Variants in CNTN5 observed in about 807,000 individuals in gnomAD.
The protein encoded by CNTN5 is contactin 5, also known as contactin-5.
Under a neutral mutation model 129.1 loss-of-function variants are expected in CNTN5, and 77 were observed. The ratio of observed to expected loss-of-function variants is 0.60; its 90% confidence interval spans 0.50 to 0.72. The LOEUF is 0.72. CNTN5 is among the 30% of genes least tolerant of loss of function. CNTN5 has a pLI of 0.00. For synonymous variants in CNTN5, 509 were observed against 465.6 expected (o/e 1.09, Z -1.20); for missense variants, 1,478 against 1,328.8 (o/e 1.11, Z -1.75).
intron 7 of CNTN5, among the ~76,000 whole-genome samples, chr11:99,953,915 C>T (rs774745715): frequency 3.3e-5 from 5 of 152,076 alleles, no homozygotes; most frequent in Non-Finnish European, 5.9e-5. Context: ...CTTCTTTTCC[C>T]GTGCCTATGT....
intron 6 of CNTN5, among the ~76,000 whole-genome samples, chr11:99,852,017 TATA>T (rs1230271423): frequency 1.3e-5 from 2 of 152,232 alleles, no homozygotes; most frequent in African/African-American, 4.8e-5. Context: ...AGGCTTAGCC[TATA>T]ATAACTTTAT....
At chr11:99,425,468 C>G (rs989357633) in intron 2 of CNTN5, among the ~76,000 whole-genome samples, 2 of 152,236 alleles carry the variant, frequency 1.3e-5, no homozygotes, top group Non-Finnish European at 2.9e-5. Flanking sequence ...CCCCTTGCCT[C>G]TCTGCTGTGC....
chr11:100,238,898 A>T (rs1484920395), intron 16 of CNTN5, among the ~76,000 whole-genome samples: 1 of 152,212 alleles, frequency 6.6e-6, no homozygotes, highest in Non-Finnish European at 1.5e-5. Flanking sequence ...TTGATAATAC[A>T]TTCTAATGGT....
At chr11:100,022,372 G>C (rs1048043099) in intron 9 of CNTN5, among the ~76,000 whole-genome samples, 24 of 152,196 alleles carry the variant, frequency 1.6e-4, no homozygotes, top group African/African-American at 5.5e-4. Flanking sequence ...CTAGCATCCT[G>C]CTATTTGCTT....
At chr11:100,050,287 G>A (rs921103673) in intron 9 of CNTN5, among the ~76,000 whole-genome samples, 8 of 152,006 alleles carry the variant, frequency 5.3e-5, no homozygotes, top group Non-Finnish European at 1.0e-4. Context: ...ATGGAATACA[G>A]TGCAGCCATA....
At chr11:99,449,933 G>A (rs965912598) in intron 2 of CNTN5, among the ~76,000 whole-genome samples, 3 of 152,138 alleles carry the variant, frequency 2.0e-5, no homozygotes, top group African/African-American at 4.8e-5. Context: ...TTATTCTACT[G>A]ACCAAATTAA....
chr11:99,156,474 A>G (rs1235326243), intron 1 of CNTN5, among the ~76,000 whole-genome samples: 4 of 152,156 alleles, frequency 2.6e-5, no homozygotes, highest in African/African-American at 9.6e-5. Context: ...TAGTTTATAA[A>G]TAAAGCCTTT....
chr11:100,095,014 A>C (rs575108147), intron 13 of CNTN5, among the ~76,000 whole-genome samples: 8 of 152,166 alleles, frequency 5.3e-5, no homozygotes, highest in African/African-American at 1.9e-4. Context: ...CTAAGCAAAT[A>C]TAAAGCACTT....
At chr11:100,125,574 A>C (rs150226895) in intron 13 of CNTN5, among the ~76,000 whole-genome samples, 186 of 152,256 alleles carry the variant, frequency 1.2e-3, no homozygotes, top group African/African-American at 4.0e-3. Flanking sequence ...GTTGATGGGC[A>C]CATAGGTTGA....
intron 6 of CNTN5, among the ~76,000 whole-genome samples, chr11:99,869,964 G>C (rs527412557): frequency 1.3e-5 from 2 of 152,226 alleles, no homozygotes; most frequent in South Asian, 4.1e-4. Context: ...TAAGGATGCT[G>C]TCTGGAAATG....
Position 99,343,715 on chromosome 11 carries a change from T to A in CNTN5, c.-71+18231T>A, listed in dbSNP as rs117910645. Among the ~76,000 whole-genome samples, 20 of 152,270 alleles carry A rather than the reference T, an allele frequency of 1.3e-4. No individual in the cohort carries two copies. The East Asian group carries it at 3.9e-3, about 29-fold the overall frequency. On this transcript the variant is annotated intron_variant, in intron 2 of 24. Transcript: ENST00000524871. ...TTTTGAAAAACTTATATTCTTAAAATGAAAAACTCATAATGACCAGTCATT... is the reference window on the plus strand; with the variant it reads ...TTTTGAAAAACTTATATTCTTAAAAAGAAAAACTCATAATGACCAGTCATT...
intron 8 of CNTN5, among the ~76,000 whole-genome samples, chr11:99,987,084 A>T (rs1409845292): frequency 6.6e-6 from 1 of 152,164 alleles, no homozygotes; most frequent in African/African-American, 2.4e-5. Flanking sequence ...CAAAACAAAA[A>T]AGAACACAAA....
At chr11:99,414,137 G>A (rs935000549) in intron 2 of CNTN5, among the ~76,000 whole-genome samples, 7 of 152,182 alleles carry the variant, frequency 4.6e-5, no homozygotes, top group African/African-American at 1.7e-4. Context: ...CTGTGGATCA[G>A]GAAACCTGTT....
intron 2 of CNTN5, among the ~76,000 whole-genome samples, chr11:99,490,581 G>C (rs960053613): frequency 6.6e-6 from 1 of 152,122 alleles, no homozygotes; most frequent in African/African-American, 2.4e-5. Context: ...TTATTAGGGA[G>C]TGTGATCCCA....
Position 99,880,828 on chromosome 11 carries a change from T to G in CNTN5, c.578-35226T>G, listed in dbSNP as rs374063345. On this transcript the variant is annotated intron_variant, in intron 6 of 24. Transcript: ENST00000524871. ...GGTGTAGGAAATATTATTTTGGAGATAGTAAAAACTCACCTCTACCACTTC... is the reference window on the plus strand; with the variant it reads ...GGTGTAGGAAATATTATTTTGGAGAGAGTAAAAACTCACCTCTACCACTTC... Among the ~76,000 whole-genome samples, 13 of 152,164 alleles carry G rather than the reference T, an allele frequency of 8.5e-5. No individual in the cohort carries two copies. The East Asian group carries it at 2.5e-3, about 29-fold the overall frequency.
At chr11:99,556,346 A>T in intron 3 of CNTN5, 77 bp downstream of exon 3, 1 of 862,600 alleles carries the variant, frequency 1.2e-6, no homozygotes, top group Non-Finnish European at 1.8e-6. Context: ...CTCCATTACA[A>T]AATATCCTCA....
At chr11:100,108,785 A>G (rs111784364) in intron 13 of CNTN5, among the ~76,000 whole-genome samples, 3 of 151,952 alleles carry the variant, frequency 2.0e-5, no homozygotes, top group Non-Finnish European at 2.9e-5. Context: ...TACACACTCC[A>G]TAAGAGTGCA....
chr11:99,111,854 C>T lies in CNTN5; in HGVS notation c.-210+90584C>T, dbSNP rs185646350. Among the ~76,000 whole-genome samples, 596 of 152,082 alleles carry T rather than the reference C, an allele frequency of 3.9e-3. 6 individuals are homozygous for T. The highest frequency in any genetic ancestry group is 4.0e-3 in the Non-Finnish European group (271 of 67,926). Reference sequence around the variant, plus strand: ...ATTAATAAGACTTTTACTCCTGTTGCTGACAGCACTTGAATTAGCATGACC... The same window carrying T: ...ATTAATAAGACTTTTACTCCTGTTGTTGACAGCACTTGAATTAGCATGACC... On this transcript the variant is annotated intron_variant, in intron 1 of 24. Coordinates refer to ENST00000524871, the MANE Select transcript of CNTN5 (RefSeq NM_014361.4).
intron 1 of CNTN5, among the ~76,000 whole-genome samples, chr11:99,193,456 GC>G (rs1225957452): frequency 6.6e-6 from 1 of 152,116 alleles, no homozygotes; most frequent in Non-Finnish European, 1.5e-5. Flanking sequence ...CAGCAGATAG[GC>G]ACAGTTGTCT....
Sources: gnomAD v4.1 joint callset for allele counts (sites outside exome capture counted in the v4.1 genomes callset) on GRCh38, gnomAD v4.1.1 for gene constraint, MANE v1.5 for transcripts, NCBI Gene and HGNC (gene_info 2026-07-23, HGNC 2026-07-21) for gene names.